Variants in OR2M3 observed in about 807,000 individuals in gnomAD.
OR2M3 encodes olfactory receptor family 2 subfamily M member 3, also known as olfactory receptor 2M3.
Under a neutral mutation model 4.3 loss-of-function variants are expected in OR2M3, and 1 was observed. The ratio of observed to expected loss-of-function variants is 0.23; its 90% CI spans 0.08 to 1.11. The LOEUF is 1.11. OR2M3 is among the 50% of genes most tolerant of loss of function. OR2M3 has a pLI of 0.54. For missense variants in OR2M3, 410 were observed against 390.4 expected (o/e 1.05, Z -0.42); for synonymous variants, 151 against 139.4 (o/e 1.08, Z -0.59).
rs1666260405 is a variant in OR2M3 at position 248,209,739 on chromosome 1, T to A, written c.*5733T>A. Reference sequence around the variant, plus strand: ...AACTCTGCTAGGGTCTTTGGTTGTGTTTTTGTTTATTGTGCTGCTTGTTTT... The same window carrying A: ...AACTCTGCTAGGGTCTTTGGTTGTGATTTTGTTTATTGTGCTGCTTGTTTT... On this transcript the variant is annotated 3_prime_UTR_variant, in exon 2 of 2. Coordinates refer to ENST00000641626, the MANE Select transcript of OR2M3 (RefSeq NM_001004689.2). The A allele has an allele frequency of 6.6e-6, 1 of 152,380 alleles. No individual in the cohort carries two copies. 9.4% of individuals were successfully genotyped at this position (152,380 alleles called of 1,614,324 possible).
At position 248,212,882 on chromosome 1, in the gene OR2M3, A is replaced by G. The variant is rs1039143886; in HGVS notation, c.*8876A>G. On this transcript the variant is annotated 3_prime_UTR_variant, in exon 2 of 2. Transcript: ENST00000641626. ...TAATAATTTAACATGTTTTTACATC[A>G]TTTTGTTTTATTCATATTATAAAGG... 2.6e-5 allele frequency: 4 copies of G among 151,614 alleles called. No homozygotes were observed. The highest frequency in any genetic ancestry group is 9.7e-5 in the African/African-American group (4 of 41,262). 9.4% of individuals were successfully genotyped at this position (151,614 alleles called of 1,614,324 possible).
chr1:248,211,345 T>C lies in OR2M3; in HGVS notation c.*7339T>C, dbSNP rs919929294. On this transcript the variant is annotated 3_prime_UTR_variant, in exon 2 of 2. Coordinates refer to ENST00000641626, the MANE Select transcript of OR2M3 (RefSeq NM_001004689.2). ...AATTCATCTAAGCTTCACACACTGA[T>C]CCAACAGAGAAATTGTTTCATTATT... The C allele has an allele frequency of 6.6e-6, 1 of 152,082 alleles. No individual in the cohort carries two copies. The highest frequency in any genetic ancestry group is 1.5e-5 in the Non-Finnish European group (1 of 68,018). 9.4% of individuals were successfully genotyped at this position (152,082 alleles called of 1,614,324 possible).
In OR2M3 at chr1:248,203,059, A is replaced by C; in HGVS notation, c.-9A>C. 6.2e-7 allele frequency: 1 copy of C among 1,606,578 alleles called. No homozygotes were observed. Among genetic ancestry groups the C allele is most frequent in the Non-Finnish European group, 8.5e-7 (1 of 1,176,226 alleles). On this transcript the variant is annotated 5_prime_UTR_variant, in exon 2 of 2. Coordinates refer to ENST00000641626, the MANE Select transcript of OR2M3 (RefSeq NM_001004689.2). ...GGTTTTGTGGTACTAGGTAAAAAGC[A>C]TACACATCATGGCAAGGGAGAATTC... is the stretch of plus-strand genomic sequence containing the variant.
chr1:248,204,661 A>G lies in OR2M3; in HGVS notation c.*655A>G, dbSNP rs1666206146. The G allele has an allele frequency of 6.6e-6, 1 of 151,844 alleles. No individual in the cohort carries two copies. Among genetic ancestry groups the G allele is most frequent in the Admixed American group, 6.6e-5 (1 of 15,214 alleles). 9.4% of individuals were successfully genotyped at this position (151,844 alleles called of 1,614,324 possible). On this transcript the variant is annotated 3_prime_UTR_variant, in exon 2 of 2. Transcript: ENST00000641626. ...TATATATACACACACACATATATAT[A>G]TATAACCTTTTCTTTATCCACTCGT...
rs1193739990 is a variant in OR2M3, at chr1:248,211,178, T to TTTTA, written c.*7176_*7179dup. 1 of 152,144 alleles carries TTTTA rather than the reference T, an allele frequency of 6.6e-6. No individual in the cohort carries two copies. The highest frequency in any genetic ancestry group is 1.5e-5 in the Non-Finnish European group (1 of 68,028). 9.4% of individuals were successfully genotyped at this position (152,144 alleles called of 1,614,324 possible). On this transcript the variant is annotated 3_prime_UTR_variant, in exon 2 of 2. Coordinates refer to ENST00000641626, the MANE Select transcript of OR2M3 (RefSeq NM_001004689.2). ...TTTTTAGTCTGTATTTTATAGTCAT[T>TTTTA]TTTATTTTGGGGGGACTCTTGGAGA...
At chr1:248,202,181 C>G (rs775521536) in intron 1 of OR2M3, among the ~76,000 whole-genome samples, 1 of 152,126 alleles carries the variant, frequency 6.6e-6, no homozygotes, top group Non-Finnish European at 1.5e-5. Flanking sequence ...GAATCTGTCC[C>G]ATTCCTCTCT....
rs1348378436 is a variant in OR2M3, at chr1:248,209,550, TGAGA to T, written c.*5546_*5549del. 1.7e-4 allele frequency: 26 copies of T among 152,282 alleles called. No individual in the cohort carries two copies. Among genetic ancestry groups the T allele is most frequent in the African/African-American group, 6.3e-4 (26 of 41,556 alleles). 9.4% of individuals were successfully genotyped at this position (152,282 alleles called of 1,614,324 possible). A position where few individuals can be genotyped will look rare whatever the true frequency, so the allele number is the denominator to read the frequency against. On this transcript the variant is annotated 3_prime_UTR_variant, in exon 2 of 2. Coordinates refer to ENST00000641626, the MANE Select transcript of OR2M3 (RefSeq NM_001004689.2). ...TCATTCCCCTAGGAATGAGGCTTCC[TGAGA>T]GCCAAACTGTAGTGGCTGTCTAGCC...
intron 1 of OR2M3, among the ~76,000 whole-genome samples, chr1:248,202,717 T>C (rs190378803): frequency 2.7e-4 from 41 of 152,080 alleles, no homozygotes; most frequent in African/African-American, 9.9e-4. Context: ...AATGTGTCTG[T>C]AAAAGACTTC....
Position 248,207,961 on chromosome 1 carries a change from A to G in OR2M3, c.*3955A>G, listed in dbSNP as rs1045450692. ...ATCTATCTCCTTTCTTAGGTCTAGT[A>G]GTAATTGTTTTATAAATTTGAGAGT... On this transcript the variant is annotated 3_prime_UTR_variant, in exon 2 of 2. Coordinates refer to ENST00000641626, the MANE Select transcript of OR2M3 (RefSeq NM_001004689.2). 2.6e-4 allele frequency: 40 copies of G among 152,182 alleles called. No homozygotes were observed. The highest frequency in any genetic ancestry group is 9.4e-4 in the African/African-American group (39 of 41,528). The allele number at this position is 152,182 out of a possible 1,614,324, so 9.4% of individuals were successfully genotyped here.
intron 1 of OR2M3, among the ~76,000 whole-genome samples, chr1:248,198,638 A>G (rs1666123952): frequency 6.6e-6 from 1 of 152,084 alleles, no homozygotes; most frequent in African/African-American, 2.4e-5. Flanking sequence ...TCTCTTTTCC[A>G]TCATCTCCCT....
At position 248,205,755 on chromosome 1, in the gene OR2M3, T is replaced by G. The variant is rs768717035; in HGVS notation, c.*1749T>G. On this transcript the variant is annotated 3_prime_UTR_variant, in exon 2 of 2. Transcript: ENST00000641626. ...CTCCAGATTTGTTCTTTTTGCTTAT[T>G]CTTGCTATGGCTATGCAGGACTTTT... 3 of 152,056 alleles carry G rather than the reference T, an allele frequency of 2.0e-5. No homozygotes were observed. Among genetic ancestry groups the G allele is most frequent in the Non-Finnish European group, 4.4e-5 (3 of 67,958 alleles). The allele number at this position is 152,056 out of a possible 1,614,324, so 9.4% of individuals were successfully genotyped here. A position where few individuals can be genotyped will look rare whatever the true frequency, so the allele number is the denominator to read the frequency against.
At chr1:248,202,988 C>T (rs1666174035) in intron 1 of OR2M3, 62 bp from the exon 2 acceptor site, 1 of 1,422,768 alleles carries the variant, frequency 7.0e-7, no homozygotes. Context: ...ACCACAATCA[C>T]ATGATTTATA....
At position 248,210,695 on chromosome 1, in the gene OR2M3, G is replaced by A. The variant is rs1210246446; in HGVS notation, c.*6689G>A. 1.3e-5 allele frequency: 2 copies of A among 152,134 alleles called. No individual in the cohort carries two copies. Among genetic ancestry groups the A allele is most frequent in the Non-Finnish European group, 2.9e-5 (2 of 68,082 alleles). The allele number at this position is 152,134 out of a possible 1,614,324, so 9.4% of individuals were successfully genotyped here. A position where few individuals can be genotyped will look rare whatever the true frequency, so the allele number is the denominator to read the frequency against. On this transcript the variant is annotated 3_prime_UTR_variant, in exon 2 of 2. Transcript: ENST00000641626. ...TGTAATCTCCCCAACTCTTAAGAAG[G>A]TTCTTTGTAATTCTCCCCACCCTTG...
chr1:248,202,096 TCA>T, intron 1 of OR2M3, among the ~76,000 whole-genome samples: 1 of 152,308 alleles, frequency 6.6e-6, no homozygotes, highest in East Asian at 1.9e-4. Flanking sequence ...TTTTATTCTC[TCA>T]CAGTTTTGGA....
chr1:248,203,431 C>T lies in OR2M3; in HGVS notation c.364C>T (p.Arg122Cys), dbSNP rs143836422. Residue 122 changes from arginine to cysteine, a missense_variant, in exon 2 of 2, where the codon CGC becomes TGC. By Grantham distance (180) the Arg-to-Cys change is radical. Coordinates refer to ENST00000641626, the MANE Select transcript of OR2M3 (RefSeq NM_001004689.2). ...CFLLAVMAYD[R>C]YTAICHPLRY... Reference sequence around the variant, plus strand: ...TCTTTTGGCTGTTATGGCTTATGACCGCTACACTGCCATTTGCCACCCTCT... The same window carrying T: ...TCTTTTGGCTGTTATGGCTTATGACTGCTACACTGCCATTTGCCACCCTCT... 606 of 1,613,890 alleles carry T rather than the reference C, an allele frequency of 3.8e-4. 5 individuals carry two copies. In the African/African-American group the frequency reaches 6.5e-3, roughly 17 times the overall value.
Position 248,203,125 on chromosome 1 carries a change from C to T in OR2M3, c.58C>T (p.His20Tyr), listed in dbSNP as rs781448462. The T allele has an allele frequency of 2.5e-6, 4 of 1,613,744 alleles. No individual in the cohort carries two copies. In the Admixed American group the frequency reaches 6.7e-5, roughly 27 times the overall value. ...CTTCATCCTCCTGGGAATCTTCAATCACAGCCCCACCCACACCTTCCTCTT... is the reference window on the plus strand; with the variant it reads ...CTTCATCCTCCTGGGAATCTTCAATTACAGCCCCACCCACACCTTCCTCTT... ...SDFILLGIFN[H>Y]SPTHTFLFFL... is the part of the protein sequence containing the mutation. Residue 20 changes from histidine to tyrosine, a missense_variant, in exon 2 of 2, where the codon CAC becomes TAC. Transcript: ENST00000641626.
rs1392433172 is a variant in OR2M3, at chr1:248,200,387, TA to T, written c.-18-2659del. ...CAAAGTCTTTCCCCCTGATTGACTT[TA>T]AAAGCCTACCTCCTCTTGAAGACAA... On this transcript the variant is annotated intron_variant, in intron 1 of 1. Coordinates refer to ENST00000641626, the MANE Select transcript of OR2M3 (RefSeq NM_001004689.2). Among the ~76,000 whole-genome samples, 4 of 152,218 alleles carry T rather than the reference TA, an allele frequency of 2.6e-5. No homozygotes were observed. In the South Asian group the frequency reaches 6.2e-4, roughly 24 times the overall value.
At position 248,203,797 on chromosome 1, in the gene OR2M3, C is replaced by T; in HGVS notation, c.730C>T (p.His244Tyr). 6.2e-7 allele frequency: 1 copy of T among 1,613,008 alleles called. No individual in the cohort carries two copies. Among genetic ancestry groups the T allele is most frequent in the Non-Finnish European group, 8.5e-7 (1 of 1,179,802 alleles). Residue 244 changes from histidine to tyrosine, a missense_variant, in exon 2 of 2, where the codon CAC (histidine) becomes TAC (tyrosine). His to Tyr is a moderately conservative substitution (Grantham distance 83). Transcript: ENST00000641626. ...RRKAFTTCSS[H>Y]LLVVGMYYGA... is the part of the protein sequence containing the mutation. ...CAAAGCTTTTACTACTTGTTCCTCT[C>T]ACCTCTTGGTGGTGGGAATGTACTA...
rs2103016602 is a variant in OR2M3, at chr1:248,212,209, C to A, written c.*8203C>A. The A allele has an allele frequency of 6.6e-6, 1 of 152,082 alleles. No homozygotes were observed. Among genetic ancestry groups the A allele is most frequent in the South Asian group, 2.1e-4 (1 of 4,810 alleles). 9.4% of individuals were successfully genotyped at this position (152,082 alleles called of 1,614,324 possible). ...AACTGTACATGAAACAAGAAGTATA[C>A]TAATAGCCATCAAATATTTTAAATA... On this transcript the variant is annotated 3_prime_UTR_variant, in exon 2 of 2. Coordinates refer to ENST00000641626, the MANE Select transcript of OR2M3 (RefSeq NM_001004689.2).
Sources: gnomAD v4.1 joint callset for allele counts (sites outside exome capture counted in the v4.1 genomes callset) on GRCh38, gnomAD v4.1.1 for gene constraint, MANE v1.5 for transcripts, NCBI Gene and HGNC (gene_info 2026-07-23, HGNC 2026-07-21) for gene names.